Variants in USP54 observed in about 807,000 individuals in gnomAD.
The protein encoded by USP54 is ubiquitin carboxyl-terminal hydrolase 54.
Under a neutral mutation model 170.5 loss-of-function variants are expected in USP54, and 87 were observed. That is an observed-to-expected ratio of 0.51 (90% CI 0.43 to 0.61). USP54 has a LOEUF of 0.61. Ranked by LOEUF, USP54 falls within the 20% of genes least tolerant of loss-of-function variation. USP54 has a pLI of 0.00. For synonymous variants in USP54, 655 were observed against 742.8 expected, an observed-to-expected ratio of 0.88 and a Z score of 1.92; for missense variants, 1,786 against 2,047.8, an observed-to-expected ratio of 0.87 and a Z score of 2.47.
At chr10:73,566,614 C>G (rs1244264599) in intron 4 of USP54, among the ~76,000 whole-genome samples, 2 of 151,718 alleles carry the variant, frequency 1.3e-5, no homozygotes, top group African/African-American at 4.8e-5. Flanking sequence ...ACCTGTAATC[C>G]CACCTACTTG....
At chr10:73,525,692 G>A (rs143323839) in intron 16 of USP54, among the ~76,000 whole-genome samples, 4 of 152,314 alleles carry the variant, frequency 2.6e-5, no homozygotes, top group East Asian at 1.9e-4. Flanking sequence ...TGTCTTCCAC[G>A]TGTCTCTAAC....
Position 73,597,682 on chromosome 10 carries a change from T to C in USP54, c.-17-22007A>G, listed in dbSNP as rs1216705627. Reference sequence around the variant, plus strand: ...CTGGTCTCCTGTGCGGCCAGCTCTATGTGAATTAAACTCTTTCTCCATTGC... The same window carrying C: ...CTGGTCTCCTGTGCGGCCAGCTCTACGTGAATTAAACTCTTTCTCCATTGC... On this transcript the variant is annotated intron_variant, in intron 1 of 22. Transcript: ENST00000339859. Among the ~76,000 whole-genome samples the C allele has an allele frequency of 2.6e-5, 4 of 152,224 alleles. No individual in the cohort carries two copies. The East Asian group carries it at 7.7e-4, about 29-fold the overall frequency.
At chr10:73,591,416 GCTAGCAAC>G (rs1214040989), upstream of USP54, 2 of 152,150 alleles carry the variant, frequency 1.3e-5, no homozygotes, top group Non-Finnish European at 2.9e-5. Context: ...GACGACTGTA[GCTAGCAAC>G]AATGAGAAAC....
At position 73,498,797 on chromosome 10, in the gene USP54, A is replaced by G. The variant is rs1475961037; in HGVS notation, c.4887T>C (p.Pro1629=). The change falls in exon 24 of 24, where the codon CCT becomes CCC. Residue 1629 remains proline, a synonymous_variant. Transcript: ENST00000687698. The part of the protein sequence containing the change: ...NSDPVPGSRT[P]GPRRVDMPPD... Reference sequence around the variant, plus strand: ...GGGGCATATCTACTCTTCGAGGACCAGGGGTTCGGGACCCTGGAACAGGAT... The same window carrying G: ...GGGGCATATCTACTCTTCGAGGACCGGGGGTTCGGGACCCTGGAACAGGAT... 25 of 1,610,080 alleles carry G rather than the reference A, an allele frequency of 1.6e-5. No individual in the cohort carries two copies. Among genetic ancestry groups the G allele is most frequent in the Non-Finnish European group, 2.0e-5 (24 of 1,178,006 alleles).
At chr10:73,614,711 T>C (rs2080477416) in intron 1 of USP54, among the ~76,000 whole-genome samples, 1 of 150,384 alleles carries the variant, frequency 6.6e-6, no homozygotes, top group African/African-American at 2.5e-5. Flanking sequence ...AGTTGCATAT[T>C]TGTGGAGAAA....
At chr10:73,609,485 G>C (rs1257491478) in intron 1 of USP54, among the ~76,000 whole-genome samples, 1 of 152,186 alleles carries the variant, frequency 6.6e-6, no homozygotes, top group Non-Finnish European at 1.5e-5. Flanking sequence ...GCCGAGGTGG[G>C]CGAATCACTT....
rs1416163075 is a variant in USP54, at chr10:73,504,914, G to T, written c.4247C>A (p.Ser1416Ter). The change falls in exon 22 of 24, where the codon TCA (serine) becomes TAA (stop). Residue 1416 changes from serine (S) to a stop codon, truncating the protein, a stop_gained. Transcript: ENST00000687698. LOFTEE classifies it high-confidence loss of function. ...GACAACGGTGCCACTGAGACTGCGT[G>T]AGATGCGACGTAAATTCTCTGCACT... ...QYSAENLRRI[S>*]RSLSGTVVSE... 1 of 1,614,122 alleles carries T rather than the reference G, an allele frequency of 6.2e-7. No individual in the cohort carries two copies. Among genetic ancestry groups the T allele is most frequent in the Non-Finnish European group, 8.5e-7 (1 of 1,180,012 alleles).
At chr10:73,598,386 G>C (rs927029616) in intron 1 of USP54, among the ~76,000 whole-genome samples, 1 of 152,224 alleles carries the variant, frequency 6.6e-6, no homozygotes, top group South Asian at 2.1e-4. Flanking sequence ...AAAACTTTTA[G>C]AAGAAAACAT....
intron 4 of USP54, among the ~76,000 whole-genome samples, chr10:73,565,757 G>T (rs2073626769): frequency 6.6e-6 from 1 of 151,928 alleles, no homozygotes; most frequent in African/African-American, 2.4e-5. Context: ...TCCAGTCCTG[G>T]GCATGTGTAC....
chr10:73,617,609 T>C (rs1209157578), intron 1 of USP54, among the ~76,000 whole-genome samples: 1 of 150,162 alleles, frequency 6.7e-6, no homozygotes, highest in Non-Finnish European at 1.5e-5. Context: ...GTGGAAAAAT[T>C]CCTTGAGTTC....
rs541208864 is a variant in USP54 at position 73,526,198 on chromosome 10, G to A, written c.2194+449C>T. The stretch of plus-strand genomic sequence containing the variant: ...AAAAATAGATAAATCCAAAGATGGA[G>A]CAACTGAAATGACTCTACATTTACA... On this transcript the variant is annotated intron_variant, in intron 16 of 23. Coordinates refer to ENST00000687698, the MANE Select transcript of USP54 (RefSeq NM_001391956.1). Among the ~76,000 whole-genome samples, 4 of 152,274 alleles carry A rather than the reference G, an allele frequency of 2.6e-5. No homozygotes were observed. The South Asian group carries it at 8.3e-4, about 32-fold the overall frequency.
At chr10:73,620,015 A>G (rs2080958284) in intron 1 of USP54, among the ~76,000 whole-genome samples, 1 of 150,552 alleles carries the variant, frequency 6.6e-6, no homozygotes, top group South Asian at 2.1e-4. Flanking sequence ...TAAGTCATTT[A>G]AAAGTTCTCT....
rs1589305601 is a variant in USP54 at position 73,584,882 on chromosome 10, T to C, written c.-582+6396A>G. Among the ~76,000 whole-genome samples the C allele has an allele frequency of 2.2e-5, 3 of 138,358 alleles. No individual in the cohort carries two copies. In the East Asian group the frequency reaches 6.5e-4, roughly 30 times the overall value. The allele number at this position is 138,358 out of a possible 152,430, so 90.8% of individuals were successfully genotyped here. ...GGATCTCTATTTCCTTTCATTCTAT[T>C]TTCACTGCTGCTGCTACTAAGGTTC... On this transcript the variant is annotated intron_variant, in intron 1 of 23. Coordinates refer to ENST00000687698, the MANE Select transcript of USP54 (RefSeq NM_001391956.1).
intron 9 of USP54, among the ~76,000 whole-genome samples, chr10:73,540,426 C>T (rs968376175): frequency 3.3e-5 from 5 of 152,030 alleles, no homozygotes; most frequent in East Asian, 3.9e-4. Context: ...AAAAATTAGC[C>T]GGGCATGGTG....
intron 1 of USP54, chr10:73,614,999 A>T (rs1356295999): frequency 6.6e-6 from 1 of 150,378 alleles, no homozygotes; most frequent in Non-Finnish European, 1.5e-5. Context: ...CTATTAGTCT[A>T]AAGAGAAAAG....
At chr10:73,511,800 T>C (rs2060259694) in intron 20 of USP54, among the ~76,000 whole-genome samples, 1 of 151,370 alleles carries the variant, frequency 6.6e-6, no homozygotes, top group Non-Finnish European at 1.5e-5. Context: ...TGGAGTGCAG[T>C]GGCGTGATCT....
intron 20 of USP54, among the ~76,000 whole-genome samples, chr10:73,508,810 G>C (rs2059662865): frequency 1.3e-5 from 2 of 151,660 alleles, no homozygotes; most frequent in Non-Finnish European, 2.9e-5. Flanking sequence ...TGGGACTACA[G>C]GTGCATGCCA....
chr10:73,617,110 C>G (rs1299376884), intron 1 of USP54, among the ~76,000 whole-genome samples: 1 of 150,292 alleles, frequency 6.7e-6, no homozygotes, highest in African/African-American at 2.5e-5. Flanking sequence ...CCAGCCTGAC[C>G]AACACGGAGA....
At chr10:73,602,747 T>G (rs1298680442) in intron 1 of USP54, among the ~76,000 whole-genome samples, 2 of 149,986 alleles carry the variant, frequency 1.3e-5, no homozygotes, top group Non-Finnish European at 2.9e-5. Flanking sequence ...TCCCAGCTAC[T>G]TGGGAGACTG....
Sources: allele counts gnomAD v4.1 joint callset (sites outside exome capture counted in the v4.1 genomes callset), GRCh38; gene constraint gnomAD v4.1.1; transcripts MANE v1.5; gene names NCBI Gene and HGNC (gene_info 2026-07-23, HGNC 2026-07-21).